Variants in FDCSP observed in about 807,000 individuals in gnomAD.
FDCSP encodes the protein follicular dendritic cell secreted protein, also known as follicular dendritic cell secreted peptide.
In FDCSP, 8 loss-of-function variants were observed where a neutral mutation model predicts 8.9. That is an observed-to-expected ratio of 0.90 (90% CI 0.53 to 1.63). The LOEUF (loss-of-function observed/expected upper bound fraction) is 1.63, where lower values mean the gene tolerates loss of function less well. Ranked by LOEUF, FDCSP falls within the 40% of genes most tolerant of loss-of-function variation. The pLI, the probability that FDCSP is intolerant of heterozygous loss-of-function variation, is 0.00. For synonymous variants in FDCSP, 34 were observed against 34.5 expected, an observed-to-expected ratio of 0.98 and a Z score of 0.06; for missense variants, 101 against 103.6, an observed-to-expected ratio of 0.98 and a Z score of 0.11.
In FDCSP at chr4:70,234,062, C is replaced by T. The variant is rs942162602; in HGVS notation, c.133C>T (p.Pro45Ser). 1 of 1,609,592 alleles carries T rather than the reference C, an allele frequency of 6.2e-7. No homozygotes were observed. Among genetic ancestry groups the T allele is most frequent in the Non-Finnish European group, 8.5e-7 (1 of 1,177,342 alleles). The part of the protein sequence containing the change: ...DELASGFFVF[P>S]YPYPFRPLPP... ...ATTAGCTTCAGGGTTTTTTGTGTTC[C>T]CTTACCCATATCCATTTCGCCCACT... Residue 45 changes from proline to serine, a missense_variant, in exon 4 of 5, where the codon CCT (proline) becomes TCT (serine). Pro to Ser is a moderately conservative substitution (Grantham distance 74). Transcript: ENST00000317987.
At chr4:70,233,973 T>A in intron 3 of FDCSP, 47 bp from the exon 4 acceptor site, 1 of 1,521,198 alleles carries the variant, frequency 6.6e-7, no homozygotes, top group Non-Finnish European at 8.8e-7. Flanking sequence ...TTATTTCTCT[T>A]CTTTGTAAAA....
intron 2 of FDCSP, among the ~76,000 whole-genome samples, chr4:70,231,545 A>C (rs1730083539): frequency 6.6e-6 from 1 of 151,708 alleles, no homozygotes; most frequent in South Asian, 2.1e-4. Context: ...AGGGCAATGC[A>C]TTAGTCATGT....
chr4:70,231,074 A>G (rs1286202424), intron 1 of FDCSP, 121 bp from the exon 2 acceptor site: 30 of 697,220 alleles, frequency 4.3e-5, no homozygotes, highest in Non-Finnish European at 6.8e-5. Context: ...TCAAAGAGCT[A>G]TTTGTCAAAT....
chr4:70,234,856 C>T (rs540782830), intron 4 of FDCSP, among the ~76,000 whole-genome samples: 2 of 150,538 alleles, frequency 1.3e-5, no homozygotes, highest in Admixed American at 6.6e-5. Context: ...TTAATCTTAT[C>T]TAAGATTAAA....
At chr4:70,231,167 C>A in intron 1 of FDCSP, 28 bp from the exon 2 acceptor site, 1 of 1,564,826 alleles carries the variant, frequency 6.4e-7, no homozygotes, top group Non-Finnish European at 8.7e-7. Flanking sequence ...GAAAGTTCTT[C>A]TTATTTTTTA....
intron 1 of FDCSP, 68 bp from the exon 2 acceptor site, chr4:70,231,127 G>C (rs1382675351): frequency 7.8e-7 from 1 of 1,277,084 alleles, no homozygotes; most frequent in African/African-American, 1.5e-5. Flanking sequence ...TGGTCTTTTA[G>C]CTGACTTCTA....
intron 4 of FDCSP, among the ~76,000 whole-genome samples, chr4:70,234,872 A>G (rs201721080): frequency 6.6e-6 from 1 of 151,058 alleles, no homozygotes; most frequent in Non-Finnish European, 1.5e-5. Flanking sequence ...TTAAATTAGA[A>G]CCCAGAGGAC....
intron 2 of FDCSP, 48 bp from the exon 3 acceptor site, chr4:70,232,946 G>A (rs749668766): frequency 1.4e-6 from 2 of 1,467,980 alleles, no homozygotes; most frequent in East Asian, 4.7e-5. Context: ...ATTTATTTGT[G>A]TGTTTTCATG....
At chr4:70,233,437 T>C (rs557816851) in intron 3 of FDCSP, among the ~76,000 whole-genome samples, 28 of 151,826 alleles carry the variant, frequency 1.8e-4, no homozygotes, top group African/African-American at 6.0e-4. Context: ...CACTCATGGA[T>C]TATTTGGGTC....
At chr4:70,227,692 C>T (rs1375340056) in intron 1 of FDCSP, among the ~76,000 whole-genome samples, 1 of 151,616 alleles carries the variant, frequency 6.6e-6, no homozygotes, top group Non-Finnish European at 1.5e-5. Context: ...AGAGATACTG[C>T]AGGTTCAGTT....
intron 2 of FDCSP, among the ~76,000 whole-genome samples, chr4:70,231,887 ATGACCC>A (rs1326260916): frequency 6.6e-6 from 1 of 151,832 alleles, no homozygotes; most frequent in East Asian, 1.9e-4. Context: ...AGTGACATTG[ATGACCC>A]TGACCCTCTG....
At chr4:70,227,967 G>A (rs963977129) in intron 1 of FDCSP, among the ~76,000 whole-genome samples, 18 of 151,740 alleles carry the variant, frequency 1.2e-4, no homozygotes, top group African/African-American at 4.4e-4. Context: ...TGAATGATCA[G>A]GGTGATGGTT....
At chr4:70,226,930 G>A (rs974896862) in intron 1 of FDCSP, among the ~76,000 whole-genome samples, 1 of 151,808 alleles carries the variant, frequency 6.6e-6, no homozygotes, top group African/African-American at 2.4e-5. Context: ...GAAACCAGTT[G>A]AAAGAAATTA....
intron 1 of FDCSP, among the ~76,000 whole-genome samples, chr4:70,227,044 G>A (rs2109682779): frequency 6.6e-6 from 1 of 151,638 alleles, no homozygotes; most frequent in East Asian, 2.0e-4. Flanking sequence ...TTCTACATAT[G>A]GTATATATCA....
chr4:70,228,999 C>A (rs898472387), intron 1 of FDCSP, among the ~76,000 whole-genome samples: 3 of 151,712 alleles, frequency 2.0e-5, no homozygotes, highest in African/African-American at 7.3e-5. Flanking sequence ...AAAGAGTCAG[C>A]CTGTCCTTTG....
intron 1 of FDCSP, among the ~76,000 whole-genome samples, chr4:70,229,635 C>T (rs1487415178): frequency 6.6e-6 from 1 of 151,720 alleles, no homozygotes; most frequent in South Asian, 2.1e-4. Context: ...TTAATATTAT[C>T]ATGTCTCAGG....
intron 1 of FDCSP, among the ~76,000 whole-genome samples, chr4:70,229,985 G>A (rs75247257): frequency 7.1e-4 from 108 of 151,732 alleles, no homozygotes; most frequent in Non-Finnish European, 5.0e-4. Context: ...CTTGCTCGAT[G>A]CCGGATTGCC....
chr4:70,234,020 A>G lies in FDCSP; in HGVS notation c.91A>G (p.Ile31Val). 6.2e-7 allele frequency: 1 copy of G among 1,604,114 alleles called. No homozygotes were observed. Among genetic ancestry groups the G allele is most frequent in the African/African-American group, 1.3e-5 (1 of 74,398 alleles). Residue 31 changes from isoleucine to valine, a missense_variant and splice_region_variant, in exon 4 of 5, where the codon ATC becomes GTC. Ile to Val is a conservative substitution (Grantham distance 29). Coordinates refer to ENST00000317987, the MANE Select transcript of FDCSP (RefSeq NM_152997.4). ...CCCTTTAACTTCTTTCTTTCAACAG[A>G]TCAGTGACAGCGATGAATTAGCTTC... The part of the protein sequence containing the change: ...SQDQEREKRS[I>V]SDSDELASGF...
At chr4:70,226,469 G>GT (rs1177582837) in intron 1 of FDCSP, among the ~76,000 whole-genome samples, 11 of 151,878 alleles carry the variant, frequency 7.2e-5, no homozygotes, top group African/African-American at 2.7e-4. Context: ...GGGGGAGAGT[G>GT]TGGACAGAGT....
Sources: gnomAD v4.1 joint callset for allele counts (sites outside exome capture counted in the v4.1 genomes callset) on GRCh38, gnomAD v4.1.1 for gene constraint, MANE v1.5 for transcripts, NCBI Gene and HGNC (gene_info 2026-07-23, HGNC 2026-07-21) for gene names.